The following CLK2 variants were observed in gnomAD, a reference collection of about 807,000 sequenced individuals.
The protein encoded by CLK2 is dual specificity protein kinase CLK2.
CLK2 carries 12 observed loss-of-function variants against 73.5 expected under a neutral mutation model. The ratio of observed to expected loss-of-function variants is 0.16; its 90% CI spans 0.10 to 0.26. CLK2 has a LOEUF of 0.26. Ranked by LOEUF, CLK2 falls within the 10% of genes least tolerant of loss-of-function variation. The pLI is 1.00. For synonymous variants in CLK2, 232 were observed against 237.9 expected (o/e 0.98, Z 0.23); for missense variants, 509 against 688.4 (o/e 0.74, Z 2.92).
chr1:155,267,845 C>A (rs1042984895), intron 6 of CLK2, among the ~76,000 whole-genome samples, 165 bp downstream of exon 6: 1 of 152,092 alleles, frequency 6.6e-6, no homozygotes, highest in Non-Finnish European at 1.5e-5. Flanking sequence ...GTCATGGGCC[C>A]CCCCCCTTTC....
At chr1:155,267,968 T>C (rs778141485) in intron 6 of CLK2, 42 bp downstream of exon 6, 17 of 1,379,652 alleles carry the variant, frequency 1.2e-5, no homozygotes, top group Middle Eastern at 1.8e-4. Context: ...CGTGTAGGGG[T>C]TGGGGCTCTC....
Position 155,268,012 on chromosome 1 carries a change from C to G in CLK2, c.669G>C (p.Lys223Asn), listed in dbSNP as rs143729992. ...TACATACTTCCTTGCTTGCTTACTTCTTGTTGTCAGGGTCTTTCTCATTGA... is the reference window on the plus strand; with the variant it reads ...TACATACTTCCTTGCTTGCTTACTTGTTGTTGTCAGGGTCTTTCTCATTGA... ...EKINEKDPDN[K>N]NLCVQMFDWF... The change falls in exon 6 of 13, where the codon AAG (lysine) becomes AAC (asparagine). Residue 223 changes from lysine to asparagine, a missense_variant and splice_region_variant. Lys to Asn is a moderately conservative substitution (Grantham distance 94, BLOSUM62 0). Transcript: ENST00000368361. This position sits in a 1 kb window ranked among gnomAD's most constrained non-coding sequence, Gnocchi z 5.6. The G allele has an allele frequency of 4.6e-5, 74 of 1,610,980 alleles. No homozygotes were observed. In the African/African-American group the frequency reaches 8.3e-4, roughly 18 times the overall value.
chr1:155,269,457 G>C (rs1228373453), intron 3 of CLK2, 31 bp downstream of exon 3: 2 of 1,587,030 alleles, frequency 1.3e-6, no homozygotes, highest in African/African-American at 1.3e-5. Context: ...GCAGAAGAGT[G>C]GGGAGAGGAA....
At chr1:155,266,929 G>C in intron 6 of CLK2, 34 bp from the exon 7 acceptor site, 1 of 1,608,972 alleles carries the variant, frequency 6.2e-7, no homozygotes, top group Non-Finnish European at 8.5e-7. Flanking sequence ...GGGGTTGTCT[G>C]ATGAGCTCCC....
chr1:155,270,981 G>C lies in CLK2; in HGVS notation c.1-4C>G. The C allele has an allele frequency of 6.2e-7, 1 of 1,604,062 alleles. No individual in the cohort carries two copies. The highest frequency in any genetic ancestry group is 8.5e-7 in the Non-Finnish European group (1 of 1,171,456). On this transcript the variant is annotated splice_region_variant and splice_polypyrimidine_tract_variant and intron_variant, in intron 1 of 12. Transcript: ENST00000368361. ...GGTACCTTCGAGGATGCGGCATCTG[G>C]AAGGCAAGGGAAAGCGGAAATAGGA...
At chr1:155,271,051 A>G (rs1572022648) in intron 1 of CLK2, 74 bp from the exon 2 acceptor site, 1 of 1,466,816 alleles carries the variant, frequency 6.8e-7, no homozygotes, top group Admixed American at 1.7e-5. Context: ...TGGCTGCTCC[A>G]AAGATGCTAA....
chr1:155,267,730 C>T (rs1358115754), intron 6 of CLK2, among the ~76,000 whole-genome samples: 1 of 152,178 alleles, frequency 6.6e-6, no homozygotes, highest in African/African-American at 2.4e-5. Flanking sequence ...ATGCTCAGTC[C>T]TAGGGCTATG....
chr1:155,270,151 G>A (rs1275770759), intron 2 of CLK2, among the ~76,000 whole-genome samples: 2 of 151,282 alleles, frequency 1.3e-5, no homozygotes, highest in African/African-American at 2.4e-5. Context: ...TGGAGCACTT[G>A]AGGTCAGGAG....
chr1:155,269,780 G>T, intron 2 of CLK2, 64 bp from the exon 3 acceptor site: 1 of 1,448,360 alleles, frequency 6.9e-7, no homozygotes, highest in Non-Finnish European at 9.7e-7. Context: ...CATACCCTGT[G>T]ACAAGGTCCT....
At chr1:155,272,489 C>T (rs1673558438) in intron 1 of CLK2, among the ~76,000 whole-genome samples, 1 of 151,990 alleles carries the variant, frequency 6.6e-6, no homozygotes, top group Admixed American at 6.5e-5. Context: ...TAAAATGAAA[C>T]AGGCCCAGGG....
rs762353243 is a variant in CLK2, at chr1:155,264,214, G to A, written c.1226+7C>T. The A allele has an allele frequency of 1.9e-6, 3 of 1,614,044 alleles. No individual in the cohort carries two copies. The highest frequency in any genetic ancestry group is 2.5e-6 in the Non-Finnish European group (3 of 1,179,914). ...AAAGAGTTAACTAGTGCCCCCTCAA[G>A]GTTCACCTTGTCTTTCGGATCATCC... On this transcript the variant is annotated splice_region_variant and intron_variant, in intron 11 of 12. Coordinates refer to ENST00000368361, the MANE Select transcript of CLK2 (RefSeq NM_001294338.2).
In CLK2 at chr1:155,268,551, G is replaced by T; in HGVS notation, c.487+157C>A. On this transcript the variant is annotated intron_variant, in intron 4 of 12. Coordinates refer to ENST00000368361, the MANE Select transcript of CLK2 (RefSeq NM_001294338.2). The surrounding 1 kb of genome is among the most constrained non-coding windows in gnomAD (Gnocchi z 5.6). ...AACCCAGGGGCCGTGAGAGCTGGGAGTGGACAACAGAGGTCAATTCTCAAC... is the reference window on the plus strand; with the variant it reads ...AACCCAGGGGCCGTGAGAGCTGGGATTGGACAACAGAGGTCAATTCTCAAC... 1 of 807,108 alleles carries T rather than the reference G, an allele frequency of 1.2e-6. No homozygotes were observed. The highest frequency in any genetic ancestry group is 2.1e-6 in the Non-Finnish European group (1 of 475,136). The allele number at this position is 807,108 out of a possible 1,614,324, so 50.0% of individuals were successfully genotyped here.
chr1:155,265,518 GATT>G (rs1373221389), intron 8 of CLK2, among the ~76,000 whole-genome samples: 1 of 151,712 alleles, frequency 6.6e-6, no homozygotes, highest in Non-Finnish European at 1.5e-5. Flanking sequence ...AGTGAGCCGA[GATT>G]ATGCCACTGC....
At chr1:155,267,350 A>G (rs1380056438) in intron 6 of CLK2, among the ~76,000 whole-genome samples, 1 of 152,204 alleles carries the variant, frequency 6.6e-6, no homozygotes, top group East Asian at 1.9e-4. Context: ...CTCGGCCTCC[A>G]AAGTGCTGGG....
chr1:155,271,978 C>T (rs1673529502), intron 1 of CLK2, among the ~76,000 whole-genome samples: 1 of 151,880 alleles, frequency 6.6e-6, no homozygotes, highest in South Asian at 2.1e-4. Flanking sequence ...GGCCCCTCCA[C>T]TCTTGTGCTT....
chr1:155,265,777 G>A, intron 8 of CLK2, 83 bp downstream of exon 8: 1 of 906,992 alleles, frequency 1.1e-6, no homozygotes, highest in South Asian at 1.3e-5. Context: ...GAAATAAAAG[G>A]GAGAAAACAA....
chr1:155,267,211 GCC>G (rs1673271724), intron 6 of CLK2, among the ~76,000 whole-genome samples: 2 of 152,126 alleles, frequency 1.3e-5, no homozygotes, highest in African/African-American at 4.8e-5. Context: ...TCCTGCCTCA[GCC>G]TTCCAAGTAG....
chr1:155,262,883 G>A lies in CLK2; in HGVS notation c.*335C>T. 4.2e-6 allele frequency: 1 copy of A among 236,218 alleles called. No homozygotes were observed. 14.6% of individuals were successfully genotyped at this position (236,218 alleles called of 1,614,324 possible). On this transcript the variant is annotated 3_prime_UTR_variant, in exon 13 of 13. Transcript: ENST00000368361. The stretch of plus-strand genomic sequence containing the variant: ...ACTCCAGGGATGGGGGTCAAATGAA[G>A]CACGTTATTTTATTTCACAAAGACT...
chr1:155,271,503 C>T lies in CLK2; in HGVS notation c.1-526G>A, dbSNP rs538297730. On this transcript the variant is annotated intron_variant, in intron 1 of 12. Coordinates refer to ENST00000368361, the MANE Select transcript of CLK2 (RefSeq NM_001294338.2). ...CCTCCCAAAGTGCTGGGATTACAGG[C>T]GTGAGCCACCGCACCCAGCCAGTTC... Among the ~76,000 whole-genome samples the T allele has an allele frequency of 1.3e-3, 192 of 152,256 alleles. 1 individual carries two copies. The highest frequency in any genetic ancestry group is 3.4e-3 in the Middle Eastern group (1 of 294).
Sources: allele counts gnomAD v4.1 joint callset (sites outside exome capture counted in the v4.1 genomes callset), GRCh38; gene constraint gnomAD v4.1.1; non-coding constraint Gnocchi (gnomAD v3.1); transcripts MANE v1.5; gene names NCBI Gene and HGNC (gene_info 2026-07-23, HGNC 2026-07-21).